The following PCM1 variants were observed in gnomAD, a reference collection of about 807,000 sequenced individuals.
PCM1 encodes the protein pericentriolar material 1.
Under a neutral mutation model 241.9 loss-of-function variants are expected in PCM1, and 157 were observed. The ratio of observed to expected loss-of-function variants is 0.65; its 90% CI spans 0.57 to 0.74. The LOEUF is 0.74. Ranked by LOEUF, PCM1 falls within the 30% of genes least tolerant of loss-of-function variation. The pLI, the probability that PCM1 is intolerant of heterozygous loss-of-function variation, is 0.00. For missense variants in PCM1, 3,478 were observed against 2,360.1 expected (o/e 1.47, Z -9.81); for synonymous variants, 1,085 against 784.9 (o/e 1.38, Z -6.39).
rs1414744568 is a variant in PCM1 at position 17,947,456 on chromosome 8, T to G, written c.961+93T>G. ...TGCTGATTATTACATAATCAGATCT[T>G]GATTGTTGTCTAGTTTAGAAACCTT... On this transcript the variant is annotated intron_variant, in intron 7 of 38. Transcript: ENST00000325083. The G allele has an allele frequency of 1.5e-5, 14 of 914,850 alleles. No homozygotes were observed. The Admixed American group carries it at 3.5e-4, about 23-fold the overall frequency. 56.7% of individuals were successfully genotyped at this position (914,850 alleles called of 1,614,324 possible).
At chr8:17,968,300 G>C (rs2129470243) in intron 21 of PCM1, among the ~76,000 whole-genome samples, 1 of 152,188 alleles carries the variant, frequency 6.6e-6, no homozygotes, top group East Asian at 1.9e-4. Flanking sequence ...TTATATTGCA[G>C]ACGAGGGTGC....
chr8:17,948,329 G>T (rs1439693093), intron 7 of PCM1, among the ~76,000 whole-genome samples: 2 of 107,504 alleles, frequency 1.9e-5, no homozygotes, highest in Admixed American at 1.2e-4. Flanking sequence ...TTTGGAGACA[G>T]AGTTTTGCTC....
chr8:17,942,483 A>G (rs1193113804), intron 6 of PCM1, among the ~76,000 whole-genome samples: 2 of 152,114 alleles, frequency 1.3e-5, no homozygotes, highest in African/African-American at 4.8e-5. Context: ...ATAAAAATAA[A>G]TAAATTTAGA....
At chr8:17,992,008 C>A (rs777607502) in intron 28 of PCM1, among the ~76,000 whole-genome samples, 1 of 152,158 alleles carries the variant, frequency 6.6e-6, no homozygotes, top group Non-Finnish European at 1.5e-5. Flanking sequence ...CCAACTCTAC[C>A]CAGATGGCTG....
intron 36 of PCM1, among the ~76,000 whole-genome samples, chr8:18,018,435 GC>G (rs2093428416): frequency 6.6e-6 from 1 of 152,178 alleles, no homozygotes; most frequent in Admixed American, 6.5e-5. Context: ...TTGCCCTCAT[GC>G]CCCCTAGGGT....
chr8:17,969,460 C>A (rs1271252249), intron 21 of PCM1, 117 bp from the exon 22 acceptor site: 6 of 710,978 alleles, frequency 8.4e-6, no homozygotes, highest in Non-Finnish European at 1.4e-5. Context: ...TTTTAATTAA[C>A]AGTTTTTTGT....
chr8:17,951,456 A>C (rs1361365377), intron 8 of PCM1, among the ~76,000 whole-genome samples: 1 of 152,208 alleles, frequency 6.6e-6, no homozygotes, highest in East Asian at 1.9e-4. Context: ...AAGGAGGTAG[A>C]TGGAAGAATA....
At chr8:17,929,962 A>T (rs185027364) in intron 2 of PCM1, among the ~76,000 whole-genome samples, 1 of 152,150 alleles carries the variant, frequency 6.6e-6, no homozygotes, top group Non-Finnish European at 1.5e-5. Flanking sequence ...ATGGTTGACT[A>T]TGGGGAACTA....
chr8:17,931,913 T>G (rs2059149933), intron 2 of PCM1, among the ~76,000 whole-genome samples: 1 of 152,168 alleles, frequency 6.6e-6, no homozygotes. Context: ...AAACTGTTCC[T>G]GAAAATATGA....
intron 21 of PCM1, among the ~76,000 whole-genome samples, chr8:17,968,423 C>G (rs1245042494): frequency 6.6e-6 from 1 of 152,138 alleles, no homozygotes; most frequent in Non-Finnish European, 1.5e-5. Flanking sequence ...AGCTGGTGAA[C>G]AGAAGGCTGT....
chr8:17,987,754 T>C (rs1482724112), intron 26 of PCM1, among the ~76,000 whole-genome samples: 2 of 151,892 alleles, frequency 1.3e-5, no homozygotes, highest in South Asian at 2.1e-4. Flanking sequence ...CAGTGTCCAG[T>C]AGAACTTTCT....
chr8:17,934,956 G>A (rs1462867646), intron 2 of PCM1: 1 of 152,142 alleles, frequency 6.6e-6, no homozygotes, highest in East Asian at 1.9e-4. Flanking sequence ...CCAAGATTTA[G>A]AGAAAGCACT....
intron 36 of PCM1, among the ~76,000 whole-genome samples, chr8:18,017,767 C>A (rs906454827): frequency 1.3e-5 from 2 of 152,126 alleles, no homozygotes; most frequent in Admixed American, 6.5e-5. Flanking sequence ...GCAGGAGAAT[C>A]GTTTGAACCC....
chr8:17,941,312 A>T (rs938201876), intron 6 of PCM1, among the ~76,000 whole-genome samples: 18 of 152,316 alleles, frequency 1.2e-4, no homozygotes, highest in African/African-American at 3.8e-4. Flanking sequence ...ATTCATTGTG[A>T]TGGCAATTTC....
intron 29 of PCM1, among the ~76,000 whole-genome samples, chr8:17,996,992 G>A (rs899133753): frequency 2.0e-5 from 3 of 152,096 alleles, no homozygotes; most frequent in African/African-American, 4.8e-5. Context: ...TATTACTGGT[G>A]AATTTTGTAC....
chr8:17,985,452 G>A lies in PCM1; in HGVS notation c.4114G>A (p.Gly1372Arg). ...NRSTEISSET[G>R]SDFSMFEALR... ...TGGTCTTTTATGTATTCCAGAAACT[G>A]GGAGTGATTTTTCCATGTTTGAAGC... The change falls in exon 25 of 39, where the codon GGG (glycine) becomes AGG (arginine). Residue 1372 changes from glycine (G) to arginine (R), a missense_variant. Coordinates refer to ENST00000325083, the MANE Select transcript of PCM1 (RefSeq NM_006197.4). 1 of 1,551,174 alleles carries A rather than the reference G, an allele frequency of 6.4e-7. No individual in the cohort carries two copies. Among genetic ancestry groups the A allele is most frequent in the Non-Finnish European group, 8.7e-7 (1 of 1,146,136 alleles).
chr8:18,023,666 T>G (rs116524613), intron 36 of PCM1, among the ~76,000 whole-genome samples: 1,694 of 152,342 alleles, frequency 0.011, 26 homozygotes, highest in African/African-American at 0.038. Flanking sequence ...TTTATTCAGT[T>G]GGTTAAATTT....
chr8:17,954,524 T>C (rs767209800), intron 9 of PCM1, among the ~76,000 whole-genome samples: 1 of 152,152 alleles, frequency 6.6e-6, no homozygotes, highest in Non-Finnish European at 1.5e-5. Flanking sequence ...TAGCACTCCG[T>C]ATACTGATGA....
chr8:17,945,993 A>C (rs1247221301), intron 6 of PCM1, among the ~76,000 whole-genome samples: 1 of 152,216 alleles, frequency 6.6e-6, no homozygotes, highest in Non-Finnish European at 1.5e-5. Context: ...TCGGTGATGA[A>C]AAATACAATT....
Sources: allele counts gnomAD v4.1 joint callset (sites outside exome capture counted in the v4.1 genomes callset), GRCh38; gene constraint gnomAD v4.1.1; transcripts MANE v1.5; gene names NCBI Gene and HGNC (gene_info 2026-07-23, HGNC 2026-07-21).